Variants in HHAT observed in about 807,000 individuals in gnomAD.
HHAT encodes the protein protein-cysteine N-palmitoyltransferase HHAT.
Under a neutral mutation model 70.8 loss-of-function variants are expected in HHAT, and 47 were observed. The ratio of observed to expected loss-of-function variants is 0.66; its 90% CI spans 0.53 to 0.85. The LOEUF (loss-of-function observed/expected upper bound fraction) is 0.85. Among genes scored for constraint, HHAT ranks in the 40% least tolerant of loss-of-function variants. HHAT has a pLI of 0.00. For missense variants in HHAT, 609 were observed against 604.8 expected (o/e 1.01, Z -0.07); for synonymous variants, 228 against 247.6 (o/e 0.92, Z 0.74).
At chr1:210,480,539 A>C (rs2094379239) in intron 8 of HHAT, among the ~76,000 whole-genome samples, 1 of 152,162 alleles carries the variant, frequency 6.6e-6, no homozygotes, top group Non-Finnish European at 1.5e-5. Context: ...AGGAGGCACA[A>C]CACCAGGGAT....
intron 8 of HHAT, among the ~76,000 whole-genome samples, chr1:210,467,006 T>C (rs2094121586): frequency 6.6e-6 from 1 of 152,184 alleles, no homozygotes; most frequent in Non-Finnish European, 1.5e-5. Context: ...ATGATGTCGT[T>C]CTAAAAAGAG....
chr1:210,662,455 A>T (rs988061842), intron 11 of HHAT, among the ~76,000 whole-genome samples: 3 of 152,190 alleles, frequency 2.0e-5, no homozygotes, highest in African/African-American at 7.2e-5. Flanking sequence ...ACTGTGTTTT[A>T]TAGTGTGGTC....
intron 9 of HHAT, among the ~76,000 whole-genome samples, chr1:210,585,119 A>G (rs1190182516): frequency 6.7e-6 from 1 of 149,510 alleles, no homozygotes; most frequent in African/African-American, 2.6e-5. Context: ...TTTAAAAATT[A>G]GCCCAGGGTT....
chr1:210,352,451 A>G (rs2087122954), intron 2 of HHAT, among the ~76,000 whole-genome samples: 1 of 152,194 alleles, frequency 6.6e-6, no homozygotes, highest in African/African-American at 2.4e-5. Flanking sequence ...TTGTAGAAGT[A>G]GGTCACTGGA....
chr1:210,437,596 A>C (rs1461218672), intron 7 of HHAT, among the ~76,000 whole-genome samples: 3 of 151,856 alleles, frequency 2.0e-5, no homozygotes, highest in Non-Finnish European at 2.9e-5. Flanking sequence ...CTGCCATTGC[A>C]GCTACTTTGG....
intron 9 of HHAT, among the ~76,000 whole-genome samples, chr1:210,562,016 C>A (rs2095627628): frequency 6.6e-6 from 1 of 152,144 alleles, no homozygotes; most frequent in South Asian, 2.1e-4. Flanking sequence ...ATGATGGAGA[C>A]TAAACAAATA....
rs547163109 is a variant in HHAT at position 210,629,569 on chromosome 1, C to T, written c.1390+5899C>T. Among the ~76,000 whole-genome samples, 26 of 152,288 alleles carry T rather than the reference C, an allele frequency of 1.7e-4. No individual in the cohort carries two copies. In the South Asian group the frequency reaches 2.9e-3, roughly 17 times the overall value. On this transcript the variant is annotated intron_variant, in intron 11 of 11. Transcript: ENST00000261458. ...CACAAGTTTATTTTTCTTACAGTTC[C>T]GAGGACCAGAAGTTTGAAATCAGTC...
At chr1:210,381,161 C>T (rs1226693220) in intron 3 of HHAT, among the ~76,000 whole-genome samples, 2 of 151,854 alleles carry the variant, frequency 1.3e-5, no homozygotes, top group Non-Finnish European at 2.9e-5. Flanking sequence ...CAAGACTTTC[C>T]TGGATAACAA....
At chr1:210,584,487 T>A (rs4402133) in intron 9 of HHAT, among the ~76,000 whole-genome samples, 1 of 152,144 alleles carries the variant, frequency 6.6e-6, no homozygotes, top group Admixed American at 6.5e-5. Context: ...TAGGAGGCAG[T>A]GAATTGTGGC....
chr1:210,493,865 A>G (rs764006150), intron 8 of HHAT, among the ~76,000 whole-genome samples: 4 of 152,178 alleles, frequency 2.6e-5, no homozygotes, highest in Non-Finnish European at 4.4e-5. Context: ...CTCAAATGGT[A>G]TTCTTTCACA....
intron 6 of HHAT, among the ~76,000 whole-genome samples, chr1:210,414,729 C>T (rs1251452946): frequency 6.6e-6 from 1 of 152,028 alleles, no homozygotes; most frequent in Admixed American, 6.6e-5. Context: ...TAAAAAAGAA[C>T]CAATTTGGCT....
chr1:210,607,167 T>C (rs1665622867), intron 10 of HHAT, among the ~76,000 whole-genome samples: 1 of 152,118 alleles, frequency 6.6e-6, no homozygotes, highest in African/African-American at 2.4e-5. Context: ...GCCTGGGCCT[T>C]ATGGTTATTT....
At chr1:210,437,402 C>T (rs1378797324) in intron 7 of HHAT, among the ~76,000 whole-genome samples, 1 of 151,850 alleles carries the variant, frequency 6.6e-6, no homozygotes, top group Non-Finnish European at 1.5e-5. Flanking sequence ...AGCAGATTCA[C>T]ATCGAGAATA....
intron 8 of HHAT, among the ~76,000 whole-genome samples, chr1:210,476,887 G>T (rs1558595480): frequency 6.6e-6 from 1 of 152,180 alleles, no homozygotes; most frequent in Non-Finnish European, 1.5e-5. Flanking sequence ...AACAGTGTAT[G>T]CATATTAACA....
intron 11 of HHAT, among the ~76,000 whole-genome samples, chr1:210,666,093 G>A (rs1343500844): frequency 2.6e-5 from 4 of 152,296 alleles, no homozygotes; most frequent in Non-Finnish European, 5.9e-5. Context: ...CTAAAAATGG[G>A]TACCAGTAGG....
At chr1:210,445,949 T>C (rs1345157812) in intron 7 of HHAT, among the ~76,000 whole-genome samples, 1 of 152,164 alleles carries the variant, frequency 6.6e-6, no homozygotes. Context: ...TATGTATTCA[T>C]GTGCCATGTT....
Position 210,328,954 on chromosome 1 carries a change from A to AT in HHAT, c.-194_-193insT. ...GGACGCGCGCTGCGCTGCTCCTCCA[A>AT]AGGGCAGCTCCGGGGGAAAGAGGGT... On this transcript the variant is annotated 5_prime_UTR_variant, in exon 1 of 12. Coordinates refer to ENST00000261458, the MANE Select transcript of HHAT (RefSeq NM_018194.6). 5 of 1,236,506 alleles carry AT rather than the reference A, an allele frequency of 4.0e-6. No individual in the cohort carries two copies. 76.6% of individuals were successfully genotyped at this position (1,236,506 alleles called of 1,614,324 possible). A position where few individuals can be genotyped will look rare whatever the true frequency, so the allele number is the denominator to read the frequency against.
chr1:210,572,312 C>A (rs971874730), intron 9 of HHAT, among the ~76,000 whole-genome samples: 10 of 152,182 alleles, frequency 6.6e-5, no homozygotes, highest in African/African-American at 2.2e-4. Flanking sequence ...AGCAGTCATT[C>A]CACTTTGATT....
intron 11 of HHAT, among the ~76,000 whole-genome samples, chr1:210,659,567 A>T (rs937356552): frequency 2.6e-5 from 4 of 152,366 alleles, no homozygotes; most frequent in East Asian, 1.9e-4. Context: ...AACTCATTTT[A>T]TGAGGCTAGC....
Sources: gnomAD v4.1 joint callset for allele counts (sites outside exome capture counted in the v4.1 genomes callset) on GRCh38, gnomAD v4.1.1 for gene constraint, MANE v1.5 for transcripts, NCBI Gene and HGNC (gene_info 2026-07-23, HGNC 2026-07-21) for gene names.